The following MAP6 variants were observed in gnomAD, a reference collection of about 807,000 sequenced individuals.
MAP6 encodes the protein microtubule-associated protein 6.
MAP6 carries 26 observed loss-of-function variants against 42.4 expected under a neutral mutation model. The observed-to-expected ratio is 0.61, with a 90% CI of 0.45 to 0.85. The LOEUF (loss-of-function observed/expected upper bound fraction) is 0.85. Among genes scored for constraint, MAP6 ranks in the 40% least tolerant of loss-of-function variants. The pLI is 0.00. For missense variants in MAP6, 966 were observed against 1,099.0 expected, an observed-to-expected ratio of 0.88 and a Z score of 1.71; for synonymous variants, 418 against 443.8, an observed-to-expected ratio of 0.94 and a Z score of 0.73.
intron 3 of MAP6, 96 bp from the exon 4 acceptor site, chr11:75,588,280 C>T: frequency 8.9e-7 from 1 of 1,121,762 alleles, no homozygotes; most frequent in Non-Finnish European, 1.2e-6. Flanking sequence ...CTAGTGGAGC[C>T]TGGGCCGGGC....
At chr11:75,603,368 G>A (rs1309630349) in intron 3 of MAP6, 13 of 985,662 alleles carry the variant, frequency 1.3e-5, no homozygotes, top group Non-Finnish European at 1.6e-5. Context: ...CATTCAGTAC[G>A]TTTGGGATAT....
chr11:75,603,596 G>C (rs1263925097), intron 3 of MAP6: 1 of 574,912 alleles, frequency 1.7e-6, no homozygotes. Context: ...GGCAGTGAGT[G>C]GGGGCGGGGG....
intron 2 of MAP6, chr11:75,607,535 A>G: frequency 3.0e-6 from 3 of 985,482 alleles, no homozygotes; most frequent in Non-Finnish European, 3.6e-6. Context: ...CATTTTGGTA[A>G]CAAATGCTGG....
At chr11:75,595,303 G>A (rs1942559072) in intron 3 of MAP6, among the ~76,000 whole-genome samples, 1 of 152,228 alleles carries the variant, frequency 6.6e-6, no homozygotes, top group Non-Finnish European at 1.5e-5. Flanking sequence ...TTTAGTGAAT[G>A]CCCTGCTGGC....
At chr11:75,651,966 G>A (rs1943652951) in intron 1 of MAP6, among the ~76,000 whole-genome samples, 1 of 152,122 alleles carries the variant, frequency 6.6e-6, no homozygotes, top group Non-Finnish European at 1.5e-5. Context: ...AGCTAAGAAA[G>A]GTTTTTGTAG....
intron 3 of MAP6, chr11:75,605,507 C>T: frequency 8.5e-7 from 1 of 1,172,942 alleles, no homozygotes; most frequent in Non-Finnish European, 1.1e-6. Flanking sequence ...TTTCGCCTCT[C>T]AGACCTGCCT....
chr11:75,648,430 C>T (rs907682093), intron 1 of MAP6, among the ~76,000 whole-genome samples: 7 of 152,002 alleles, frequency 4.6e-5, no homozygotes, highest in Non-Finnish European at 8.8e-5. Flanking sequence ...CCTGGAAGGT[C>T]GAAACACAAA....
Position 75,667,591 on chromosome 11 carries a change from G to A in MAP6, c.779C>T (p.Pro260Leu). ...RAEGLGHEQTPLPAAQAQVQA... is the reference protein window; with the variant it reads ...RAEGLGHEQTLLPAAQAQVQA... ...GACCTGGGCCTGGGCCGCGGGCAGC[G>A]GCGTCTGCTCGTGCCCCAGGCCCTC... is the stretch of plus-strand genomic sequence containing the variant. Residue 260 changes from proline (P) to leucine (L), a missense_variant, in exon 1 of 4, where the codon CCG (proline) becomes CTG (leucine). Pro to Leu is a moderately conservative substitution (Grantham distance 98, BLOSUM62 -3). Around this residue, in one of 2 missense-constraint regions of MAP6, gnomAD observed 943 missense variants for 1,049.9 expected, o/e 0.90. Coordinates refer to ENST00000304771, the MANE Select transcript of MAP6 (RefSeq NM_033063.2). This position sits in a 1 kb window ranked among gnomAD's most constrained non-coding sequence, Gnocchi z 5.6. 1 of 1,386,286 alleles carries A rather than the reference G, an allele frequency of 7.2e-7. No homozygotes were observed. Among genetic ancestry groups the A allele is most frequent in the Non-Finnish European group, 9.3e-7 (1 of 1,080,180 alleles). 85.9% of individuals were successfully genotyped at this position (1,386,286 alleles called of 1,614,324 possible).
intron 1 of MAP6, among the ~76,000 whole-genome samples, chr11:75,637,580 A>G (rs535353155): frequency 1.6e-4 from 24 of 152,210 alleles, no homozygotes; most frequent in African/African-American, 4.1e-4. Context: ...CAGGAGTCCA[A>G]AAAGACTTGG....
Position 75,607,985 on chromosome 11 carries a change from G to A in MAP6, c.1119+124C>T, listed in dbSNP as rs1425434217. 6 of 840,902 alleles carry A rather than the reference G, an allele frequency of 7.1e-6. No homozygotes were observed. The African/African-American group carries it at 1.0e-4, about 14-fold the overall frequency. The allele number at this position is 840,902 out of a possible 1,614,324, so 52.1% of individuals were successfully genotyped here. ...TGGGTCTCAGTGTGCTTTAGAGGAA[G>A]CAGGGATTTTAAAGGTGCCCGTGGA... is the stretch of plus-strand genomic sequence containing the variant. On this transcript the variant is annotated intron_variant, in intron 2 of 3. Coordinates refer to ENST00000304771, the MANE Select transcript of MAP6 (RefSeq NM_033063.2).
At chr11:75,602,713 G>T in intron 3 of MAP6, 1 of 565,058 alleles carries the variant, frequency 1.8e-6, no homozygotes, top group Non-Finnish European at 2.2e-6. Flanking sequence ...GTATCTGAGA[G>T]GCAATCTAAA....
chr11:75,599,847 G>C (rs1156508305), intron 3 of MAP6, among the ~76,000 whole-genome samples: 1 of 152,196 alleles, frequency 6.6e-6, no homozygotes, highest in African/African-American at 2.4e-5. Flanking sequence ...AAGCTGGCAG[G>C]TGTCCCCTCC....
chr11:75,616,887 T>C (rs1402593915), intron 1 of MAP6, among the ~76,000 whole-genome samples: 1 of 152,244 alleles, frequency 6.6e-6, no homozygotes, highest in South Asian at 2.1e-4. Context: ...ATGATGATTT[T>C]ATAAAATGAG....
intron 1 of MAP6, among the ~76,000 whole-genome samples, chr11:75,624,095 T>A (rs1481395317): frequency 6.6e-6 from 1 of 152,166 alleles, no homozygotes; most frequent in East Asian, 1.9e-4. Context: ...TATCTCTCTT[T>A]CTTTTCACAT....
At chr11:75,656,246 C>T (rs1432362123) in intron 1 of MAP6, among the ~76,000 whole-genome samples, 1 of 152,158 alleles carries the variant, frequency 6.6e-6, no homozygotes, top group Non-Finnish European at 1.5e-5. Context: ...GTGGAGGACG[C>T]ATTGTTTCAG....
chr11:75,617,511 C>A (rs1943016834), intron 1 of MAP6, among the ~76,000 whole-genome samples: 3 of 81,254 alleles, frequency 3.7e-5, no homozygotes, highest in African/African-American at 1.2e-4. Flanking sequence ...GCAAGACTGT[C>A]TCCAAAAAAA....
At chr11:75,641,061 A>G (rs1316783792) in intron 1 of MAP6, among the ~76,000 whole-genome samples, 2 of 152,192 alleles carry the variant, frequency 1.3e-5, no homozygotes, top group African/African-American at 4.8e-5. Context: ...ACTATTCACA[A>G]TAGCAAAGAC....
intron 1 of MAP6, among the ~76,000 whole-genome samples, chr11:75,630,948 T>A (rs761454575): frequency 1.3e-5 from 2 of 152,228 alleles, no homozygotes; most frequent in Non-Finnish European, 2.9e-5. Flanking sequence ...TTTTAACAAG[T>A]TCCTTGGGTG....
Position 75,611,580 on chromosome 11 carries a change from T to C in MAP6, c.906-3258A>G, listed in dbSNP as rs546654415. On this transcript the variant is annotated intron_variant, in intron 1 of 3. Transcript: ENST00000304771. The stretch of plus-strand genomic sequence containing the variant: ...AGGTTTAAGCCCAAATTCCATTTCT[T>C]AGAAACTTCGTCAAGGTGTGAAAAT... Among the ~76,000 whole-genome samples, 9 of 152,288 alleles carry C rather than the reference T, an allele frequency of 5.9e-5. No individual in the cohort carries two copies. In the East Asian group the frequency reaches 1.7e-3, roughly 29 times the overall value.
Sources: allele counts gnomAD v4.1 joint callset (sites outside exome capture counted in the v4.1 genomes callset), GRCh38; gene constraint gnomAD v4.1.1; regional missense constraint gnomAD v4.1.1; non-coding constraint Gnocchi (gnomAD v3.1); transcripts MANE v1.5; gene names NCBI Gene and HGNC (gene_info 2026-07-23, HGNC 2026-07-21).